The following MYRIP variants were observed in gnomAD, a reference collection of about 807,000 sequenced individuals.
MYRIP encodes the protein myosin VIIA and Rab interacting protein.
Under a neutral mutation model 98.0 loss-of-function variants are expected in MYRIP, and 49 were observed. The observed-to-expected ratio is 0.50, with a 90% confidence interval of 0.40 to 0.63. The LOEUF is 0.63. Ranked by LOEUF, MYRIP falls within the 30% of genes least tolerant of loss-of-function variation. The pLI is 0.00. For synonymous variants in MYRIP, 404 were observed against 409.5 expected, an observed-to-expected ratio of 0.99 and a Z score of 0.16; for missense variants, 1,004 against 1,058.2, an observed-to-expected ratio of 0.95 and a Z score of 0.71.
intron 2 of MYRIP, among the ~76,000 whole-genome samples, chr3:39,927,429 T>C (rs1232961624): frequency 6.6e-6 from 1 of 151,954 alleles, no homozygotes; most frequent in Non-Finnish European, 1.5e-5. Context: ...TGCGTCCAGC[T>C]TTTTTCTCTT....
At chr3:40,060,812 C>T (rs191338180) in intron 3 of MYRIP, among the ~76,000 whole-genome samples, 26 of 152,120 alleles carry the variant, frequency 1.7e-4, no homozygotes, top group Admixed American at 5.9e-4. Flanking sequence ...AGGCTGGTCT[C>T]GAACTCCTGA....
At chr3:39,952,966 A>C (rs1945063457) in intron 2 of MYRIP, among the ~76,000 whole-genome samples, 1 of 152,094 alleles carries the variant, frequency 6.6e-6, no homozygotes, top group South Asian at 2.1e-4. Context: ...TCTCCTTGTT[A>C]AATTTCTGGC....
At chr3:40,056,097 G>T (rs1947880277) in intron 3 of MYRIP, among the ~76,000 whole-genome samples, 1 of 152,170 alleles carries the variant, frequency 6.6e-6, no homozygotes, top group Non-Finnish European at 1.5e-5. Context: ...GGCATCCCTG[G>T]CTCTTTAGCG....
intron 2 of MYRIP, among the ~76,000 whole-genome samples, chr3:39,973,058 T>A (rs908275555): frequency 1.3e-5 from 2 of 151,838 alleles, no homozygotes; most frequent in Non-Finnish European, 2.9e-5. Context: ...TATTCATATA[T>A]ATTAGAAATA....
chr3:40,111,252 T>C (rs1224123463), intron 3 of MYRIP, among the ~76,000 whole-genome samples: 1 of 152,210 alleles, frequency 6.6e-6, no homozygotes, highest in Non-Finnish European at 1.5e-5. Context: ...ATATGATTTT[T>C]GGTAGCTTCG....
chr3:40,124,467 T>G (rs1949477781), intron 3 of MYRIP, among the ~76,000 whole-genome samples: 1 of 152,198 alleles, frequency 6.6e-6, no homozygotes, highest in Admixed American at 6.5e-5. Flanking sequence ...ACCATTGTGG[T>G]CAGGGCTGGT....
At chr3:40,216,980 TG>T (rs1305237409) in intron 11 of MYRIP, among the ~76,000 whole-genome samples, 2 of 152,210 alleles carry the variant, frequency 1.3e-5, no homozygotes, top group Admixed American at 6.6e-5. Flanking sequence ...CTTTAAGATT[TG>T]TTTTAAATTA....
rs145570993 is a variant in MYRIP, at chr3:40,116,582, C to T, written c.333-34466C>T. Among the ~76,000 whole-genome samples the T allele has an allele frequency of 2.1e-3, 315 of 152,254 alleles. 4 individuals carry two copies. The highest frequency in any genetic ancestry group is 7.3e-3 in the African/African-American group (304 of 41,544). On this transcript the variant is annotated intron_variant, in intron 3 of 16. Transcript: ENST00000302541. ...TCACCTCAGCACAGTTTAGTCTGGCCCAATTTTGATAGGCATGGGCCTGTC... is the reference window on the plus strand; with the variant it reads ...TCACCTCAGCACAGTTTAGTCTGGCTCAATTTTGATAGGCATGGGCCTGTC...
intron 2 of MYRIP, among the ~76,000 whole-genome samples, chr3:40,012,282 C>A (rs9811587): frequency 0.099 from 15,137 of 152,214 alleles, 1,278 homozygotes; most frequent in African/African-American, 0.22. Context: ...AGATAACCGA[C>A]TGGTGGCTTC....
intron 2 of MYRIP, among the ~76,000 whole-genome samples, chr3:39,953,442 T>G (rs1428750547): frequency 6.6e-6 from 1 of 152,226 alleles, no homozygotes; most frequent in Admixed American, 6.5e-5. Context: ...TGTTTTTAAT[T>G]CATTGATTAA....
chr3:40,033,437 GAGAC>G (rs1947305490), intron 2 of MYRIP, among the ~76,000 whole-genome samples: 1 of 152,054 alleles, frequency 6.6e-6, no homozygotes, highest in African/African-American at 2.4e-5. Flanking sequence ...CAGACAAACA[GAGAC>G]CCAAATCATG....
chr3:40,156,458 A>G (rs1950240109), intron 4 of MYRIP, among the ~76,000 whole-genome samples: 1 of 152,144 alleles, frequency 6.6e-6, no homozygotes, highest in Non-Finnish European at 1.5e-5. Context: ...TTGGCTTAGG[A>G]TTGACTTGGC....
At chr3:40,190,788 T>C (rs1457717718) in intron 10 of MYRIP, among the ~76,000 whole-genome samples, 1 of 152,224 alleles carries the variant, frequency 6.6e-6, no homozygotes, top group East Asian at 1.9e-4. Flanking sequence ...GTGTCTATTT[T>C]AACAAGCCCT....
chr3:39,933,060 C>T (rs1448338324), intron 2 of MYRIP, among the ~76,000 whole-genome samples: 4 of 152,180 alleles, frequency 2.6e-5, no homozygotes, highest in Non-Finnish European at 5.9e-5. Flanking sequence ...AATTTAGATG[C>T]AGGAAAATGG....
intron 2 of MYRIP, among the ~76,000 whole-genome samples, chr3:39,984,487 T>C (rs952305103): frequency 3.3e-5 from 5 of 152,184 alleles, no homozygotes; most frequent in African/African-American, 1.2e-4. Flanking sequence ...TTTGGTTTTT[T>C]GTTCTTGCGA....
chr3:40,239,040 A>C, intron 12 of MYRIP, among the ~76,000 whole-genome samples: 2 of 144,838 alleles, frequency 1.4e-5, no homozygotes, highest in East Asian at 2.1e-4. Flanking sequence ...TATATCTCCC[A>C]ATGCTATCCC....
intron 10 of MYRIP, among the ~76,000 whole-genome samples, chr3:40,202,291 C>T (rs773461238): frequency 6.6e-6 from 1 of 152,144 alleles, no homozygotes; most frequent in African/African-American, 2.4e-5. Flanking sequence ...CTGCCCTTTG[C>T]CTCCTGAAAC....
Position 40,023,627 on chromosome 3 carries a change from C to A in MYRIP, c.111-20423C>A, listed in dbSNP as rs1947054185. Among the ~76,000 whole-genome samples, 4 of 152,122 alleles carry A rather than the reference C, an allele frequency of 2.6e-5. No individual in the cohort carries two copies. In the South Asian group the frequency reaches 8.3e-4, roughly 32 times the overall value. Reference sequence around the variant, plus strand: ...ATGTAAAGCCGAAAAATGACGTCTCCCTTCCACCTCCAGTCTCACACAAAT... The same window carrying A: ...ATGTAAAGCCGAAAAATGACGTCTCACTTCCACCTCCAGTCTCACACAAAT... On this transcript the variant is annotated intron_variant, in intron 2 of 16. Coordinates refer to ENST00000302541, the MANE Select transcript of MYRIP (RefSeq NM_015460.4).
At chr3:40,085,041 C>T (rs1441828919) in intron 3 of MYRIP, among the ~76,000 whole-genome samples, 3 of 150,562 alleles carry the variant, frequency 2.0e-5, no homozygotes, top group South Asian at 2.1e-4. Flanking sequence ...TGTTATATAT[C>T]GATAGATATA....
Sources: gnomAD v4.1 joint callset for allele counts (sites outside exome capture counted in the v4.1 genomes callset) on GRCh38, gnomAD v4.1.1 for gene constraint, MANE v1.5 for transcripts, NCBI Gene and HGNC (gene_info 2026-07-23, HGNC 2026-07-21) for gene names.